The following PRKCH variants were observed in gnomAD, a reference collection of about 807,000 sequenced individuals.
PRKCH encodes protein kinase C eta.
PRKCH carries 28 observed loss-of-function variants against 82.5 expected under a neutral mutation model. That is an observed-to-expected ratio of 0.34 (90% CI 0.25 to 0.47). PRKCH has a LOEUF of 0.47. PRKCH is among the 20% of genes least tolerant of loss of function. The pLI, the probability that PRKCH is intolerant of heterozygous loss-of-function variation, is 1.00. For missense variants in PRKCH, 705 were observed against 881.8 expected (o/e 0.80, Z 2.54); for synonymous variants, 322 against 327.4 (o/e 0.98, Z 0.18).
chr14:61,398,949 A>G (rs1463780964), intron 2 of PRKCH, among the ~76,000 whole-genome samples: 2 of 152,252 alleles, frequency 1.3e-5, no homozygotes, highest in South Asian at 2.1e-4. Flanking sequence ...AAGTGAAGAA[A>G]TGGAAACCGT....
intron 12 of PRKCH, among the ~76,000 whole-genome samples, chr14:61,538,872 T>C (rs946322629): frequency 6.6e-6 from 1 of 152,250 alleles, no homozygotes. Context: ...GTACTGGCCT[T>C]GATTTCATCA....
At chr14:61,349,554 G>A (rs2046043200) in intron 1 of PRKCH, among the ~76,000 whole-genome samples, 1 of 152,114 alleles carries the variant, frequency 6.6e-6, no homozygotes, top group African/African-American at 2.4e-5. Context: ...GGTAGGAAAT[G>A]GGGAGGAATG....
At chr14:61,351,046 A>G (rs1248804515) in intron 1 of PRKCH, among the ~76,000 whole-genome samples, 1 of 152,214 alleles carries the variant, frequency 6.6e-6, no homozygotes, top group Non-Finnish European at 1.5e-5. Context: ...CCCAGGATAC[A>G]TGGGTACATG....
At chr14:61,203,520 A>T (rs116868029) in intron 1 of PRKCH, among the ~76,000 whole-genome samples, 2 of 152,268 alleles carry the variant, frequency 1.3e-5, no homozygotes, top group Non-Finnish European at 2.9e-5. Flanking sequence ...TTGCAGAGCG[A>T]TTATGAACAC....
intron 1 of PRKCH, among the ~76,000 whole-genome samples, chr14:61,238,135 G>C (rs983166590): frequency 1.3e-5 from 2 of 152,176 alleles, no homozygotes; most frequent in African/African-American, 2.4e-5. Flanking sequence ...GGCAGCTTTA[G>C]ACTAAATTAA....
intron 1 of PRKCH, among the ~76,000 whole-genome samples, chr14:61,240,533 G>A (rs1329333970): frequency 6.6e-6 from 1 of 152,122 alleles, no homozygotes; most frequent in Non-Finnish European, 1.5e-5. Flanking sequence ...GGGTGGACCT[G>A]GTTTCTAGCC....
intron 10 of PRKCH, among the ~76,000 whole-genome samples, chr14:61,512,606 C>T (rs552928134): frequency 6.6e-6 from 1 of 152,188 alleles, no homozygotes; most frequent in East Asian, 1.9e-4. Flanking sequence ...TTAAAAAATA[C>T]CCAAAGCATC....
At chr14:61,485,357 A>T in intron 9 of PRKCH, 145 bp from the exon 10 acceptor site, 1 of 1,073,276 alleles carries the variant, frequency 9.3e-7, no homozygotes, top group Non-Finnish European at 1.4e-6. Context: ...GTTGCACTGC[A>T]CCCTGACCCA....
At chr14:61,214,730 A>G (rs1474182216) in intron 1 of PRKCH, among the ~76,000 whole-genome samples, 2 of 152,056 alleles carry the variant, frequency 1.3e-5, no homozygotes, top group Admixed American at 1.3e-4. Context: ...ACGTCCTGAT[A>G]AGTCATTGCA....
intron 1 of PRKCH, among the ~76,000 whole-genome samples, chr14:61,211,718 G>T (rs535534973): frequency 6.6e-6 from 1 of 152,100 alleles, no homozygotes; most frequent in African/African-American, 2.4e-5. Context: ...TTGCTTCTCC[G>T]CTGTGGCTCC....
intron 10 of PRKCH, among the ~76,000 whole-genome samples, chr14:61,506,104 C>T (rs1183119312): frequency 6.6e-6 from 1 of 152,106 alleles, no homozygotes; most frequent in East Asian, 1.9e-4. Flanking sequence ...CAATAGGTCC[C>T]CTTGTGGGTC....
At chr14:61,241,832 G>A (rs981458825) in intron 1 of PRKCH, among the ~76,000 whole-genome samples, 11 of 152,184 alleles carry the variant, frequency 7.2e-5, no homozygotes, top group African/African-American at 2.4e-4. Context: ...CTACTCTGTG[G>A]ACTTAGCTCC....
intron 1 of PRKCH, among the ~76,000 whole-genome samples, chr14:61,341,375 G>A (rs753194805): frequency 4.6e-5 from 7 of 152,186 alleles, no homozygotes; most frequent in Admixed American, 6.5e-5. Flanking sequence ...AGAAAAGATA[G>A]GGTTGAATAA....
chr14:61,220,130 T>G (rs2044644267), intron 1 of PRKCH, among the ~76,000 whole-genome samples: 1 of 152,124 alleles, frequency 6.6e-6, no homozygotes, highest in Admixed American at 6.5e-5. Flanking sequence ...ATCCCTGCTT[T>G]CTCCCAAACC....
At chr14:61,372,157 T>A (rs2046371215) in intron 1 of PRKCH, among the ~76,000 whole-genome samples, 1 of 151,976 alleles carries the variant, frequency 6.6e-6, no homozygotes, top group Admixed American at 6.5e-5. Flanking sequence ...TTGTATATTC[T>A]TTGCCCCATC....
chr14:61,319,941 C>T (rs1045974747), upstream of PRKCH, among the ~76,000 whole-genome samples: 7 of 152,172 alleles, frequency 4.6e-5, no homozygotes, highest in Non-Finnish European at 8.8e-5. Flanking sequence ...GCTGTTATTA[C>T]GGGTCAGGCC....
In PRKCH at chr14:61,350,871, G is replaced by C. The variant is rs1426480528; in HGVS notation, c.363+28407G>C. 7.9e-5 allele frequency among the ~76,000 whole-genome samples: 12 copies of C among 152,260 alleles called. No individual in the cohort carries two copies. The East Asian group carries it at 2.3e-3, about 29-fold the overall frequency. On this transcript the variant is annotated intron_variant, in intron 1 of 13. Transcript: ENST00000332981. ...CAGAGATTGGCCCTTTAATATCCAT[G>C]GTTGGCAAACATTTCTGTAGAGGGA...
At chr14:61,455,389 A>G (rs1321544946) in intron 7 of PRKCH, among the ~76,000 whole-genome samples, 3 of 152,140 alleles carry the variant, frequency 2.0e-5, no homozygotes, top group Admixed American at 6.5e-5. Flanking sequence ...TAATCCTTAT[A>G]TTAGATCATA....
rs78145621 is a variant in PRKCH at position 61,376,652 on chromosome 14, T to G, written c.364-14573T>G. 4.0e-3 allele frequency among the ~76,000 whole-genome samples: 611 copies of G among 152,284 alleles called. 9 individuals carry two copies. The highest frequency in any genetic ancestry group is 0.014 in the African/African-American group (578 of 41,552). On this transcript the variant is annotated intron_variant, in intron 1 of 13. Transcript: ENST00000332981. ...TCTCCTGCCTCCTCCACTGCACACTTGTACCACTGAGACAGTCTCTTAATT... is the reference window on the plus strand; with the variant it reads ...TCTCCTGCCTCCTCCACTGCACACTGGTACCACTGAGACAGTCTCTTAATT...
Sources: gnomAD v4.1 joint callset for allele counts (sites outside exome capture counted in the v4.1 genomes callset) on GRCh38, gnomAD v4.1.1 for gene constraint, MANE v1.5 for transcripts, NCBI Gene and HGNC (gene_info 2026-07-23, HGNC 2026-07-21) for gene names.